ARHGAP8: variants seen among roughly 807,000 people sequenced by gnomAD.
ARHGAP8 encodes the protein Rho GTPase activating protein 8, also known as rho GTPase-activating protein 8.
In ARHGAP8, 62 loss-of-function variants were observed where a neutral mutation model predicts 46.1. That is an observed-to-expected ratio of 1.34 (90% CI 1.10 to 1.66). The LOEUF is 1.66. ARHGAP8 is among the 40% of genes most tolerant of loss of function. The pLI, the probability that ARHGAP8 is intolerant of heterozygous loss-of-function variation, is 0.00. For missense variants in ARHGAP8, 923 were observed against 568.4 expected, an observed-to-expected ratio of 1.62 and a Z score of -6.34; for synonymous variants, 375 against 243.1, an observed-to-expected ratio of 1.54 and a Z score of -5.05.
In ARHGAP8 at chr22:44,791,653, G is replaced by A. The variant is rs138752315; in HGVS notation, c.79+5047G>A. Among the ~76,000 whole-genome samples the A allele has an allele frequency of 3.2e-3, 493 of 152,224 alleles. 3 individuals carry two copies. Among genetic ancestry groups the A allele is most frequent in the African/African-American group, 0.011 (459 of 41,542 alleles). ...CAGGAGGCGGAGGTTGCAGTGAGCC[G>A]AGATTGCATCATTGCACTCCAGCCT... is the stretch of plus-strand genomic sequence containing the variant. On this transcript the variant is annotated intron_variant, in intron 2 of 11. Coordinates refer to ENST00000356099, the MANE Select transcript of ARHGAP8 (RefSeq NM_181335.3).
chr22:44,777,310 G>T (rs768995722), intron 1 of ARHGAP8: 1 of 151,838 alleles, frequency 6.6e-6, no homozygotes, highest in African/African-American at 2.4e-5. Context: ...TTAAACGTTC[G>T]TCTCAATTTT....
chr22:44,825,816 A>G (rs1053853543), intron 7 of ARHGAP8, among the ~76,000 whole-genome samples: 57 of 79,472 alleles, frequency 7.2e-4, no homozygotes, highest in Middle Eastern at 0.013. Context: ...TGGGGGGCGC[A>G]TGCTCGCTGC....
intron 8 of ARHGAP8, among the ~76,000 whole-genome samples, chr22:44,846,265 C>T (rs1367286092): frequency 6.6e-6 from 1 of 152,232 alleles, no homozygotes; most frequent in Admixed American, 6.5e-5. Context: ...CCGCCTCAGC[C>T]CTGCACCTTT....
At chr22:44,827,433 C>T (rs551260875) in intron 7 of ARHGAP8, among the ~76,000 whole-genome samples, 1 of 149,296 alleles carries the variant, frequency 6.7e-6, no homozygotes, top group East Asian at 2.0e-4. Context: ...ACCTCCGCTC[C>T]CCAGGTTCAA....
At chr22:44,848,270 G>A (rs2070009464) in intron 9 of ARHGAP8, among the ~76,000 whole-genome samples, 1 of 152,238 alleles carries the variant, frequency 6.6e-6, no homozygotes, top group Non-Finnish European at 1.5e-5. Flanking sequence ...GGGACATGGT[G>A]GCCGCATGAT....
chr22:44,858,581 G>A (rs1400675223), intron 10 of ARHGAP8, among the ~76,000 whole-genome samples: 1 of 133,900 alleles, frequency 7.5e-6, no homozygotes, highest in African/African-American at 2.8e-5. Flanking sequence ...TGTTGGGTCA[G>A]GCTGGTCTCG....
At chr22:44,758,552 AATG>A (rs1602136419) in intron 1 of ARHGAP8, among the ~76,000 whole-genome samples, 1 of 152,098 alleles carries the variant, frequency 6.6e-6, no homozygotes, top group Admixed American at 6.5e-5. Flanking sequence ...GACTTTAGCC[AATG>A]ATGATAATAG....
At chr22:44,838,426 G>A (rs968455569) in intron 7 of ARHGAP8, among the ~76,000 whole-genome samples, 3 of 151,686 alleles carry the variant, frequency 2.0e-5, no homozygotes, top group Non-Finnish European at 2.9e-5. Context: ...GTGAGCCACC[G>A]TACCCGGCCT....
At chr22:44,781,090 C>T (rs1569141476) in intron 1 of ARHGAP8, among the ~76,000 whole-genome samples, 2 of 152,118 alleles carry the variant, frequency 1.3e-5, no homozygotes, top group South Asian at 4.2e-4. Flanking sequence ...CGGCGGCTGC[C>T]GGGCAGATTT....
intron 1 of ARHGAP8, among the ~76,000 whole-genome samples, chr22:44,759,448 G>A (rs1336742396): frequency 2.0e-5 from 3 of 152,150 alleles, no homozygotes; most frequent in East Asian, 1.9e-4. Context: ...ACTCTGAACC[G>A]GCCCAAAGTC....
chr22:44,810,784 T>TGGTGGGG (rs543366779), intron 4 of ARHGAP8, among the ~76,000 whole-genome samples: 70 of 152,184 alleles, frequency 4.6e-4, no homozygotes, highest in African/African-American at 1.6e-3. Context: ...GGGTCTGGTC[T>TGGTGGGG]GTAGGGTTCC....
chr22:44,815,014 C>T (rs992677262), intron 5 of ARHGAP8, among the ~76,000 whole-genome samples: 2 of 152,180 alleles, frequency 1.3e-5, no homozygotes, highest in East Asian at 1.9e-4. Context: ...GCCTGAGCCC[C>T]CACACTGTGT....
intron 1 of ARHGAP8, among the ~76,000 whole-genome samples, chr22:44,754,433 G>A (rs190748264): frequency 1.3e-5 from 2 of 151,734 alleles, no homozygotes; most frequent in East Asian, 3.9e-4. Flanking sequence ...TCAGCTCACT[G>A]CAACCTCTGC....
chr22:44,781,769 C>T (rs1602166477), intron 1 of ARHGAP8, among the ~76,000 whole-genome samples: 4 of 152,306 alleles, frequency 2.6e-5, no homozygotes, highest in African/African-American at 9.6e-5. Context: ...AGGTGATCCA[C>T]ATGCCTCAGC....
At chr22:44,810,751 G>A (rs1929274174) in intron 4 of ARHGAP8, among the ~76,000 whole-genome samples, 1 of 152,200 alleles carries the variant, frequency 6.6e-6, no homozygotes, top group African/African-American at 2.4e-5. Context: ...AAAGAGCAGG[G>A]TGGACTTTGG....
rs576986882 is a variant in ARHGAP8 at position 44,808,127 on chromosome 22, GTC to G, written c.168-176_168-175del. Among the ~76,000 whole-genome samples, 275 of 152,302 alleles carry G rather than the reference GTC, an allele frequency of 1.8e-3. 1 individual carries two copies. Among genetic ancestry groups the G allele is most frequent in the African/African-American group, 4.9e-3 (205 of 41,574 alleles). On this transcript the variant is annotated intron_variant, in intron 3 of 11. Coordinates refer to ENST00000356099, the MANE Select transcript of ARHGAP8 (RefSeq NM_181335.3). Reference sequence around the variant, plus strand: ...TGTGACTTTAGATAAGTCACTTAACGTCTCTGAGCCTCAGATGTCATCTGGGA... The same window carrying G: ...TGTGACTTTAGATAAGTCACTTAACGTCTGAGCCTCAGATGTCATCTGGGA...
At chr22:44,790,253 A>G (rs572246651) in intron 2 of ARHGAP8, among the ~76,000 whole-genome samples, 2 of 152,210 alleles carry the variant, frequency 1.3e-5, no homozygotes, top group Admixed American at 6.6e-5. Flanking sequence ...AGAGGAGGGC[A>G]TGGATTTGAG....
At chr22:44,837,956 C>T (rs1006097904) in intron 7 of ARHGAP8, among the ~76,000 whole-genome samples, 3 of 152,070 alleles carry the variant, frequency 2.0e-5, no homozygotes, top group African/African-American at 7.2e-5. Context: ...TCTCTTCCTG[C>T]TCTGAGAGTC....
At chr22:44,841,436 C>G (rs1245602760) in intron 7 of ARHGAP8, among the ~76,000 whole-genome samples, 2 of 152,154 alleles carry the variant, frequency 1.3e-5, no homozygotes, top group Non-Finnish European at 1.5e-5. Context: ...TGTCGAGTAG[C>G]TCTCACGCCT....
Sources: gnomAD v4.1 joint callset for allele counts (sites outside exome capture counted in the v4.1 genomes callset) on GRCh38, gnomAD v4.1.1 for gene constraint, MANE v1.5 for transcripts, NCBI Gene and HGNC (gene_info 2026-07-23, HGNC 2026-07-21) for gene names.